CADM2: variants seen among roughly 807,000 people sequenced by gnomAD.
CADM2 encodes immunoglobulin superfamily member 4D.
Under a neutral mutation model 49.8 loss-of-function variants are expected in CADM2, and 12 were observed. The ratio of observed to expected loss-of-function variants is 0.24; its 90% CI spans 0.15 to 0.39. The LOEUF is 0.39. CADM2 is among the 10% of genes least tolerant of loss of function. The pLI is 1.00. For missense variants in CADM2, 378 were observed against 492.3 expected (o/e 0.77, Z 2.20); for synonymous variants, 214 against 175.4 (o/e 1.22, Z -1.74).
intron 1 of CADM2, among the ~76,000 whole-genome samples, chr3:85,385,213 G>C (rs568391622): frequency 1.3e-5 from 2 of 152,294 alleles, no homozygotes; most frequent in East Asian, 3.9e-4. Context: ...GGGATTACAG[G>C]CGTTAGCCAC....
chr3:85,991,683 A>G (rs1728785506), intron 8 of CADM2, among the ~76,000 whole-genome samples: 1 of 152,118 alleles, frequency 6.6e-6, no homozygotes, highest in Non-Finnish European at 1.5e-5. Context: ...AAGGACTACA[A>G]TTTTCAGTCA....
intron 1 of CADM2, among the ~76,000 whole-genome samples, chr3:85,358,392 A>T (rs939517605): frequency 4.0e-5 from 6 of 151,860 alleles, no homozygotes; most frequent in South Asian, 2.1e-4. Flanking sequence ...TTTTCCAAAA[A>T]AAATATATAT....
At chr3:85,946,419 G>GA (rs760154716) in intron 7 of CADM2, among the ~76,000 whole-genome samples, 5 of 151,782 alleles carry the variant, frequency 3.3e-5, no homozygotes, top group Non-Finnish European at 5.9e-5. Flanking sequence ...CACAGAATTG[G>GA]AAAAAACTAC....
chr3:85,344,380 A>AAAATCAAT (rs2030327107), intron 1 of CADM2, among the ~76,000 whole-genome samples: 1 of 140,340 alleles, frequency 7.1e-6, no homozygotes, highest in Non-Finnish European at 1.5e-5. Context: ...ACACCATCTC[A>AAAATCAAT]AAATAAATAA....
At chr3:85,813,424 GT>G (rs1049658247) in intron 3 of CADM2, among the ~76,000 whole-genome samples, 1 of 152,018 alleles carries the variant, frequency 6.6e-6, no homozygotes, top group African/African-American at 2.4e-5. Flanking sequence ...ATTTGTTTAA[GT>G]TTTTTTAGAT....
At chr3:85,871,295 T>A (rs1255550071) in intron 3 of CADM2, among the ~76,000 whole-genome samples, 1 of 152,172 alleles carries the variant, frequency 6.6e-6, no homozygotes, top group Admixed American at 6.5e-5. Flanking sequence ...ACATCACTAA[T>A]CATTAGAGAA....
At chr3:85,253,932 A>G (rs1476638297) in intron 1 of CADM2, among the ~76,000 whole-genome samples, 2 of 152,112 alleles carry the variant, frequency 1.3e-5, no homozygotes, top group Non-Finnish European at 2.9e-5. Flanking sequence ...TCTCCAGGGA[A>G]CACCAGCTGG....
At chr3:85,977,026 A>AT (rs1278725887) in intron 8 of CADM2, among the ~76,000 whole-genome samples, 1 of 151,362 alleles carries the variant, frequency 6.6e-6, no homozygotes, top group East Asian at 1.9e-4. Context: ...GTACTTGAAA[A>AT]TATATAGACT....
At chr3:85,892,594 G>A (rs1175574547) in intron 5 of CADM2, among the ~76,000 whole-genome samples, 3 of 152,166 alleles carry the variant, frequency 2.0e-5, no homozygotes, top group Non-Finnish European at 4.4e-5. Context: ...CACCATGTAA[G>A]ATGTGCCTTT....
intron 1 of CADM2, among the ~76,000 whole-genome samples, chr3:85,191,797 G>A (rs1336411158): frequency 6.6e-6 from 1 of 152,114 alleles, no homozygotes; most frequent in East Asian, 1.9e-4. Context: ...TCAAATACCA[G>A]TCATCAGATA....
At chr3:85,142,099 T>A (rs539315156) in intron 1 of CADM2, among the ~76,000 whole-genome samples, 43 of 152,360 alleles carry the variant, frequency 2.8e-4, no homozygotes, top group African/African-American at 9.6e-4. Flanking sequence ...AAAGGTAGTA[T>A]TAGATTGGTG....
chr3:85,034,743 C>G (rs2035135026), intron 1 of CADM2, among the ~76,000 whole-genome samples: 1 of 145,386 alleles, frequency 6.9e-6, no homozygotes, highest in African/African-American at 2.6e-5. Context: ...TCTCCACATA[C>G]TTGCCAGGAT....
chr3:85,447,220 A>G (rs367637381), intron 1 of CADM2, among the ~76,000 whole-genome samples: 31 of 151,758 alleles, frequency 2.0e-4, no homozygotes, highest in African/African-American at 7.2e-4. Flanking sequence ...ACAGAAATCT[A>G]CATCATCCTA....
intron 2 of CADM2, among the ~76,000 whole-genome samples, chr3:85,745,332 A>G (rs1019581696): frequency 3.3e-5 from 5 of 152,180 alleles, no homozygotes; most frequent in Non-Finnish European, 7.3e-5. Context: ...TTGTTGGATA[A>G]TGGTATTTTC....
rs9809981 is a variant in CADM2, at chr3:85,294,787, A to T, written c.61+335119A>T. Among the ~76,000 whole-genome samples, 711 of 152,234 alleles carry T rather than the reference A, an allele frequency of 4.7e-3. 4 individuals carry two copies. The highest frequency in any genetic ancestry group is 0.027 in the Middle Eastern group (8 of 292). On this transcript the variant is annotated intron_variant, in intron 1 of 9. Coordinates refer to ENST00000383699, the MANE Select transcript of CADM2 (RefSeq NM_001167675.2). ...TTCCTTACACCTTATACAAAAATCAATTCAAGTTGGATTAAAGACTTAAAC... is the reference window on the plus strand; with the variant it reads ...TTCCTTACACCTTATACAAAAATCATTTCAAGTTGGATTAAAGACTTAAAC...
chr3:85,323,686 C>G (rs2044675130), intron 1 of CADM2, among the ~76,000 whole-genome samples: 1 of 152,180 alleles, frequency 6.6e-6, no homozygotes, highest in Non-Finnish European at 1.5e-5. Context: ...ATTACAAAAT[C>G]ATATCAATTC....
intron 2 of CADM2, among the ~76,000 whole-genome samples, chr3:85,744,825 G>A: frequency 6.6e-6 from 1 of 152,084 alleles, no homozygotes; most frequent in East Asian, 1.9e-4. Context: ...GGTTGCATGG[G>A]GACAAGTAGG....
At chr3:85,225,868 T>G (rs2042148718) in intron 1 of CADM2, among the ~76,000 whole-genome samples, 1 of 152,222 alleles carries the variant, frequency 6.6e-6, no homozygotes, top group African/African-American at 2.4e-5. Flanking sequence ...TCATGTGGTT[T>G]TTGTCATTGT....
intron 8 of CADM2, among the ~76,000 whole-genome samples, chr3:86,063,061 C>T (rs965658697): frequency 6.6e-6 from 1 of 152,016 alleles, no homozygotes; most frequent in Non-Finnish European, 1.5e-5. Flanking sequence ...AAATCTCTGC[C>T]CCAATATACC....
Sources: allele counts gnomAD v4.1 joint callset (sites outside exome capture counted in the v4.1 genomes callset), GRCh38; gene constraint gnomAD v4.1.1; transcripts MANE v1.5; gene names NCBI Gene and HGNC (gene_info 2026-07-23, HGNC 2026-07-21).